Variants in RNLS observed in about 807,000 individuals in gnomAD.
The protein encoded by RNLS is renalase, FAD dependent amine oxidase.
A neutral mutation model predicts 39.8 loss-of-function variants in RNLS; 39 were observed. The ratio of observed to expected loss-of-function variants is 0.98; its 90% CI spans 0.76 to 1.28. RNLS has a LOEUF of 1.28. Ranked by LOEUF, RNLS falls within the 50% of genes most tolerant of loss-of-function variation. The pLI, the probability that RNLS is intolerant of heterozygous loss-of-function variation, is 0.00. For synonymous variants in RNLS, 147 were observed against 150.7 expected (o/e 0.98, Z 0.18); for missense variants, 410 against 413.3 (o/e 0.99, Z 0.07).
At chr10:88,499,778 A>G (rs1037092371) in intron 4 of RNLS, among the ~76,000 whole-genome samples, 2 of 152,150 alleles carry the variant, frequency 1.3e-5, no homozygotes, top group Non-Finnish European at 2.9e-5. Flanking sequence ...GACCCAGCAC[A>G]TCTGTCTTCA....
intron 4 of RNLS, among the ~76,000 whole-genome samples, chr10:88,540,791 A>G (rs1847993909): frequency 6.6e-6 from 1 of 152,132 alleles, no homozygotes; most frequent in South Asian, 2.1e-4. Flanking sequence ...TCATTACTTT[A>G]CAGGCATGCC....
At chr10:88,331,049 C>T (rs1847079087) in intron 5 of RNLS, among the ~76,000 whole-genome samples, 2 of 152,096 alleles carry the variant, frequency 1.3e-5, no homozygotes, top group Non-Finnish European at 2.9e-5. Context: ...AAAAAATTAA[C>T]TTAGGTATTC....
intron 6 of RNLS, among the ~76,000 whole-genome samples, chr10:88,311,048 T>C (rs1008907928): frequency 6.6e-6 from 1 of 152,032 alleles, no homozygotes; most frequent in African/African-American, 2.4e-5. Context: ...TGAATGTACA[T>C]TTGGAGATTA....
At chr10:88,479,983 G>A (rs548093519) in intron 4 of RNLS, among the ~76,000 whole-genome samples, 10 of 152,006 alleles carry the variant, frequency 6.6e-5, no homozygotes, top group Non-Finnish European at 1.5e-4. Context: ...TTCATCAAGT[G>A]TTTGCCTATT....
intron 4 of RNLS, among the ~76,000 whole-genome samples, chr10:88,373,151 T>G (rs1362899787): frequency 2.6e-5 from 4 of 152,158 alleles, no homozygotes; most frequent in African/African-American, 9.6e-5. Context: ...CCTCATATTT[T>G]TATACAGATA....
Position 88,312,775 on chromosome 10 carries a change from C to CT in RNLS, c.876+1690dup, listed in dbSNP as rs902237975. On this transcript the variant is annotated intron_variant, in intron 6 of 6. Transcript: ENST00000331772. ...TTTTTCTATTTTTAAATTGACTTCA[C>CT]TTTTTTTTTTCAGAACAGTTTTAGG... Among the ~76,000 whole-genome samples the CT allele has an allele frequency of 3.3e-4, 49 of 148,554 alleles. 1 individual carries two copies. In the East Asian group the frequency reaches 7.0e-3, roughly 21 times the overall value.
the RNLS span, among the ~76,000 whole-genome samples, chr10:88,188,089 G>T: frequency 4.0e-5 from 6 of 151,666 alleles, no homozygotes; most frequent in African/African-American, 9.7e-5. Flanking sequence ...ATGGAGTCTC[G>T]CTCTGTCACC....
At chr10:88,283,199 G>A (rs1170829433), downstream of RNLS, among the ~76,000 whole-genome samples, 3 of 152,002 alleles carry the variant, frequency 2.0e-5, no homozygotes, top group African/African-American at 7.3e-5. Flanking sequence ...ATTTCTAATG[G>A]GGAAGAATTG....
chr10:88,284,087 G>A (rs768415066), downstream of RNLS: 208 of 949,536 alleles, frequency 2.2e-4, no homozygotes, highest in Non-Finnish European at 2.6e-4. Context: ...CAAAATAAGT[G>A]ACATTAACCA....
the RNLS span, among the ~76,000 whole-genome samples, chr10:88,172,390 C>T: frequency 1.3e-5 from 2 of 152,044 alleles, no homozygotes; most frequent in Non-Finnish European, 2.9e-5. Context: ...AAGATGATAT[C>T]TCATTGTGGT....
chr10:88,284,407 T>C lies in RNLS; in HGVS notation c.*947A>G. ...CTGGTTTGGAAGGCTGGAGATTGAT[T>C]TCTCTCCAGCTAGCAAGTCGTGGGG... On this transcript the variant is annotated 3_prime_UTR_variant, in exon 7 of 7. Transcript: ENST00000331772. The C allele has an allele frequency of 2.0e-6, 2 of 985,398 alleles. No individual in the cohort carries two copies. Among genetic ancestry groups the C allele is most frequent in the Non-Finnish European group, 2.4e-6 (2 of 829,910 alleles). The allele number at this position is 985,398 out of a possible 1,614,324, so 61.0% of individuals were successfully genotyped here.
rs190054269 is a variant in RNLS at position 88,552,305 on chromosome 10, C to T, written c.526+20598G>A. Among the ~76,000 whole-genome samples the T allele has an allele frequency of 1.7e-3, 255 of 152,266 alleles. 2 individuals carry two copies. The highest frequency in any genetic ancestry group is 5.6e-3 in the African/African-American group (234 of 41,542). The stretch of plus-strand genomic sequence containing the variant: ...ACAAAGCAGGGAAGCTCAGAAGCAA[C>T]TAGAAGATAAGTGCAACAGACATGT... On this transcript the variant is annotated intron_variant, in intron 4 of 6. Coordinates refer to ENST00000331772, the MANE Select transcript of RNLS (RefSeq NM_001031709.3).
chr10:88,175,117 T>A, the RNLS span, among the ~76,000 whole-genome samples: 1 of 152,302 alleles, frequency 6.6e-6, no homozygotes, highest in South Asian at 2.1e-4. Context: ...CCTTTTTCAT[T>A]TCTGATTTTA....
At chr10:88,243,923 C>A in the RNLS span, among the ~76,000 whole-genome samples, 2 of 152,222 alleles carry the variant, frequency 1.3e-5, no homozygotes, top group African/African-American at 2.4e-5. Flanking sequence ...CTGTGGGAAG[C>A]CTGAATAGCC....
chr10:88,468,193 T>C (rs1564823543), intron 4 of RNLS, among the ~76,000 whole-genome samples: 1 of 152,166 alleles, frequency 6.6e-6, no homozygotes. Context: ...TTGCTTTTGC[T>C]CAGCACTCAC....
At chr10:88,462,168 A>C (rs1200102200) in intron 4 of RNLS, among the ~76,000 whole-genome samples, 3 of 152,044 alleles carry the variant, frequency 2.0e-5, no homozygotes, top group Non-Finnish European at 4.4e-5. Context: ...CTGACCAGAC[A>C]ATAGGTATAT....
intron 5 of RNLS, among the ~76,000 whole-genome samples, chr10:88,330,092 A>ATATATATATATATATATAT (rs750773423): frequency 3.8e-4 from 53 of 138,192 alleles, no homozygotes; most frequent in East Asian, 2.1e-3. Flanking sequence ...TATATATATA[A>ATATATATATATATATATAT]ATATAAATAT....
chr10:88,525,645 T>C (rs945251646), intron 4 of RNLS, among the ~76,000 whole-genome samples: 4 of 152,084 alleles, frequency 2.6e-5, no homozygotes, highest in African/African-American at 9.7e-5. Flanking sequence ...CACAGTATCT[T>C]AGTAAATTAG....
intron 4 of RNLS, among the ~76,000 whole-genome samples, chr10:88,377,987 T>G (rs1851156423): frequency 6.6e-6 from 1 of 152,074 alleles, no homozygotes; most frequent in African/African-American, 2.4e-5. Context: ...TTTTTTTACT[T>G]TTTAAGCTTT....
Sources: gnomAD v4.1 joint callset for allele counts (sites outside exome capture counted in the v4.1 genomes callset) on GRCh38, gnomAD v4.1.1 for gene constraint, MANE v1.5 for transcripts, NCBI Gene and HGNC (gene_info 2026-07-23, HGNC 2026-07-21) for gene names.